MBP: variants seen among roughly 807,000 people sequenced by gnomAD.
The protein encoded by MBP is myelin basic protein, also known as Golli-MBP.
MBP carries 16 observed loss-of-function variants against 35.8 expected under a neutral mutation model. The observed-to-expected ratio is 0.45, with a 90% CI of 0.30 to 0.68. The LOEUF is 0.68. Among genes scored for constraint, MBP ranks in the 30% least tolerant of loss-of-function variants. MBP has a pLI of 0.08. For missense variants in MBP, 380 were observed against 404.7 expected (o/e 0.94, Z 0.52); for synonymous variants, 143 against 159.6 (o/e 0.90, Z 0.78).
In MBP at chr18:77,067,523, G is replaced by A. The variant is rs140857021; in HGVS notation, c.52-1138C>T. ...ACATTTGTGTTTTTCAACCCTAACCGTGTTGCACTAATTTCCTGTTCACTT... is the reference window on the plus strand; with the variant it reads ...ACATTTGTGTTTTTCAACCCTAACCATGTTGCACTAATTTCCTGTTCACTT... On this transcript the variant is annotated intron_variant, in intron 2 of 8. Coordinates refer to ENST00000355994, the MANE Select transcript of MBP (RefSeq NM_001025101.2). 1.4e-3 allele frequency among the ~76,000 whole-genome samples: 217 copies of A among 152,256 alleles called. 1 individual carries two copies. Among genetic ancestry groups the A allele is most frequent in the African/African-American group, 4.9e-3 (203 of 41,542 alleles).
intron 2 of MBP, among the ~76,000 whole-genome samples, chr18:77,082,016 TA>T (rs1176747055): frequency 6.8e-6 from 1 of 147,464 alleles, no homozygotes; most frequent in Non-Finnish European, 1.5e-5. Context: ...AACGCCTGGC[TA>T]ATTTTTTTGT....
chr18:77,081,793 C>CAT (rs59078723), intron 2 of MBP, among the ~76,000 whole-genome samples: 3 of 29,804 alleles, frequency 1.0e-4, no homozygotes, highest in African/African-American at 9.1e-5. Flanking sequence ...CACACACACA[C>CAT]GTATATATAT....
At chr18:77,099,066 G>A (rs1287876752) in intron 2 of MBP, among the ~76,000 whole-genome samples, 3 of 152,054 alleles carry the variant, frequency 2.0e-5, no homozygotes, top group Non-Finnish European at 2.9e-5. Flanking sequence ...CAAGGGGAGG[G>A]GGAGTGTGTG....
chr18:77,043,540 T>C (rs765820194), intron 3 of MBP, among the ~76,000 whole-genome samples: 2 of 152,138 alleles, frequency 1.3e-5, no homozygotes, highest in Non-Finnish European at 2.9e-5. Flanking sequence ...CCCGGGGACC[T>C]GCTGGTGACC....
At chr18:77,125,164 G>C (rs1977010530) in intron 1 of MBP, among the ~76,000 whole-genome samples, 1 of 152,108 alleles carries the variant, frequency 6.6e-6, no homozygotes, top group African/African-American at 2.4e-5. Context: ...CCTTGTCATT[G>C]TCATGCTCTT....
chr18:77,092,390 C>A (rs1397618381), intron 2 of MBP, among the ~76,000 whole-genome samples: 1 of 152,102 alleles, frequency 6.6e-6, no homozygotes, highest in Non-Finnish European at 1.5e-5. Context: ...GTCGTCATGG[C>A]CACACAGGCA....
At chr18:76,993,417 C>T (rs1017763273) in intron 4 of MBP, among the ~76,000 whole-genome samples, 1 of 151,966 alleles carries the variant, frequency 6.6e-6, no homozygotes, top group South Asian at 2.1e-4. Context: ...CCAGGCTTGG[C>T]GTCGTGTGCC....
intron 7 of MBP, chr18:76,985,928 C>T (rs1024829298): frequency 1.3e-5 from 13 of 986,192 alleles, no homozygotes; most frequent in African/African-American, 3.5e-5. Context: ...CCTCATGGGC[C>T]GTGTGACCGC....
intron 3 of MBP, among the ~76,000 whole-genome samples, chr18:77,018,585 C>A (rs1206666687): frequency 1.4e-5 from 2 of 145,590 alleles, no homozygotes; most frequent in Non-Finnish European, 3.0e-5. Context: ...TCCATTCATC[C>A]ATCCACCCAC....
intron 3 of MBP, among the ~76,000 whole-genome samples, chr18:77,024,778 G>A (rs1972135829): frequency 6.6e-6 from 1 of 152,252 alleles, no homozygotes; most frequent in African/African-American, 2.4e-5. Flanking sequence ...ACACTGACCA[G>A]CCGATGTGCT....
At chr18:77,085,645 G>GT (rs1033313701) in intron 2 of MBP, among the ~76,000 whole-genome samples, 5 of 148,920 alleles carry the variant, frequency 3.4e-5, no homozygotes, top group African/African-American at 1.2e-4. Flanking sequence ...ATCTTCTTAA[G>GT]TAAAAACCAG....
At position 76,984,797 on chromosome 18, in the gene MBP, G is replaced by T. The variant is rs771241682; in HGVS notation, c.848C>A (p.Thr283Lys). 1 of 1,614,088 alleles carries T rather than the reference G, an allele frequency of 6.2e-7. No homozygotes were observed. The highest frequency in any genetic ancestry group is 8.5e-7 in the Non-Finnish European group (1 of 1,180,042). Residue 283 changes from threonine (T) to lysine (K), a missense_variant, in exon 8 of 9, where the codon ACG becomes AAG. Transcript: ENST00000355994. Reference sequence around the variant, plus strand: ...TACCAGCTTAAAAATTTTGGAAAGCGTGCCCTGGGCATCGACTCCCTTGAA... The same window carrying T: ...TACCAGCTTAAAAATTTTGGAAAGCTTGCCCTGGGCATCGACTCCCTTGAA... Reference protein sequence around the residue: ...KGFKGVDAQGTLSKIFKLGGR... With the variant: ...KGFKGVDAQGKLSKIFKLGGR...
intron 3 of MBP, among the ~76,000 whole-genome samples, chr18:77,028,419 T>C (rs1464843464): frequency 6.3e-4 from 62 of 98,950 alleles, no homozygotes; most frequent in South Asian, 1.1e-3. Flanking sequence ...AACCATCCGA[T>C]TTCTCAATCT....
chr18:77,130,863 T>C (rs1422694358), intron 1 of MBP, among the ~76,000 whole-genome samples: 1 of 151,998 alleles, frequency 6.6e-6, no homozygotes, highest in Non-Finnish European at 1.5e-5. Context: ...AGAACTGTGA[T>C]ACTTCTGGAG....
chr18:76,986,977 T>C (rs1969594312), intron 7 of MBP: 7 of 985,304 alleles, frequency 7.1e-6, no homozygotes, highest in Non-Finnish European at 8.4e-6. Flanking sequence ...GAGAGAGTCC[T>C]GCGGCTCTGG....
chr18:77,109,040 TGCAGGGCTGG>T (rs1976366289), intron 1 of MBP: 1 of 152,312 alleles, frequency 6.6e-6, no homozygotes, highest in African/African-American at 2.4e-5. Flanking sequence ...CCATGTGGGC[TGCAGGGCTGG>T]GCAGGGCTAG....
chr18:77,028,107 C>G (rs1191708750), intron 3 of MBP, among the ~76,000 whole-genome samples: 1 of 148,888 alleles, frequency 6.7e-6, no homozygotes, highest in East Asian at 2.0e-4. Flanking sequence ...GAACAAAGGT[C>G]TCTGGTTTTC....
chr18:77,007,289 C>T lies in MBP; in HGVS notation c.576+9543G>A, dbSNP rs141652222. On this transcript the variant is annotated intron_variant, in intron 4 of 8. Coordinates refer to ENST00000355994, the MANE Select transcript of MBP (RefSeq NM_001025101.2). ...AGGCATTCTAACTCAAAAGCTCCTT[C>T]TCAGGGACGAGAGAGGGAAGCTCCT... 5.3e-3 allele frequency among the ~76,000 whole-genome samples: 801 copies of T among 152,346 alleles called. 10 individuals carry two copies. The highest frequency in any genetic ancestry group is 0.018 in the African/African-American group (756 of 41,564).
chr18:77,004,072 A>C (rs1440999042), intron 4 of MBP: 1 of 152,206 alleles, frequency 6.6e-6, no homozygotes, highest in Non-Finnish European at 1.5e-5. Context: ...GCAAGGCTGG[A>C]GATGAGACGA....
Sources: allele counts gnomAD v4.1 joint callset (sites outside exome capture counted in the v4.1 genomes callset), GRCh38; gene constraint gnomAD v4.1.1; transcripts MANE v1.5; gene names NCBI Gene and HGNC (gene_info 2026-07-23, HGNC 2026-07-21).